The following SYT1 variants were observed in gnomAD, a reference collection of about 807,000 sequenced individuals.
SYT1 encodes the protein synaptotagmin-1.
In SYT1, 8 loss-of-function variants were observed where a neutral mutation model predicts 44.8. That is an observed-to-expected ratio of 0.18 (90% confidence interval 0.10 to 0.32). SYT1 has a LOEUF of 0.32. SYT1 is among the 10% of genes least tolerant of loss of function. SYT1 has a pLI of 1.00. For missense variants in SYT1, 286 were observed against 509.3 expected (o/e 0.56, Z 4.22); for synonymous variants, 154 against 188.8 (o/e 0.82, Z 1.51).
At chr12:79,416,775 A>T (rs1008250698) in intron 9 of SYT1, among the ~76,000 whole-genome samples, 2 of 152,176 alleles carry the variant, frequency 1.3e-5, no homozygotes, top group Admixed American at 1.3e-4. Context: ...TCTGCTTTGA[A>T]AGGAAAATTT....
chr12:78,915,007 C>A (rs1314692547), intron 1 of SYT1, among the ~76,000 whole-genome samples: 1 of 151,998 alleles, frequency 6.6e-6, no homozygotes, highest in East Asian at 1.9e-4. Context: ...GTCTTCTGAG[C>A]TGTGCCTTGA....
At chr12:79,377,713 C>T (rs373528745) in intron 9 of SYT1, among the ~76,000 whole-genome samples, 6 of 152,306 alleles carry the variant, frequency 3.9e-5, no homozygotes, top group African/African-American at 1.4e-4. Context: ...CTTAGCTTCC[C>T]TTTCTCCCTT....
At chr12:79,390,455 A>G (rs1884613158) in intron 9 of SYT1, among the ~76,000 whole-genome samples, 1 of 152,042 alleles carries the variant, frequency 6.6e-6, no homozygotes. Context: ...CAATTCTACA[A>G]TTTTTTTAAA....
intron 1 of SYT1, among the ~76,000 whole-genome samples, chr12:78,888,838 C>T (rs556653421): frequency 6.6e-5 from 10 of 151,830 alleles, no homozygotes; most frequent in South Asian, 4.2e-4. Flanking sequence ...TACTTTGGAG[C>T]GCAAGGTTCT....
rs748899368 is a variant in SYT1 at position 79,444,044 on chromosome 12, CT to C, written c.929-28del. On this transcript the variant is annotated intron_variant, in intron 9 of 10. Transcript: ENST00000261205. Reference sequence around the variant, plus strand: ...ATCTAAAATATGTGTCTCTGATCTCCTAAAGTTTGTTTCCTGTTTTTCATTC... The same window carrying C: ...ATCTAAAATATGTGTCTCTGATCTCCAAAGTTTGTTTCCTGTTTTTCATTC... The C allele has an allele frequency of 2.5e-6, 4 of 1,610,458 alleles. No homozygotes were observed. The Admixed American group carries it at 6.7e-5, about 27-fold the overall frequency.
intron 4 of SYT1, 64 bp from the exon 5 acceptor site, chr12:79,285,723 T>C (rs1879276684): frequency 2.4e-6 from 3 of 1,248,884 alleles, no homozygotes; most frequent in African/African-American, 1.5e-5. Flanking sequence ...TTATAGCCCA[T>C]GAGTTAAAAG....
chr12:79,053,363 G>C lies in SYT1; in HGVS notation c.-18+6001G>C, dbSNP rs148573255. Among the ~76,000 whole-genome samples, 612 of 152,108 alleles carry C rather than the reference G, an allele frequency of 4.0e-3. 10 individuals are homozygous for C. The East Asian group carries it at 0.065, about 16-fold the overall frequency. On this transcript the variant is annotated intron_variant, in intron 3 of 10. Transcript: ENST00000261205. ...CACACACCGAGGACTGTTGTGGGGT[G>C]GGGGGAGCAGGGAGGGATAGCGTTA...
intron 3 of SYT1, among the ~76,000 whole-genome samples, chr12:79,214,736 C>T (rs1275209664): frequency 1.3e-5 from 2 of 152,094 alleles, no homozygotes; most frequent in South Asian, 4.1e-4. Flanking sequence ...GAGCAATATA[C>T]CTTTAATGTA....
intron 3 of SYT1, among the ~76,000 whole-genome samples, chr12:79,134,546 T>A (rs1228586685): frequency 6.6e-6 from 1 of 152,192 alleles, no homozygotes; most frequent in Non-Finnish European, 1.5e-5. Flanking sequence ...AAGACATCGC[T>A]AGTACTAGAA....
chr12:79,236,027 T>A (rs191267043), intron 4 of SYT1, among the ~76,000 whole-genome samples: 1 of 152,294 alleles, frequency 6.6e-6, no homozygotes, highest in Admixed American at 6.5e-5. Flanking sequence ...GTCCAACTAG[T>A]TAGCAAGTCA....
chr12:79,291,829 G>A (rs1447842653), intron 5 of SYT1, 179 bp from the exon 6 acceptor site: 8 of 809,436 alleles, frequency 9.9e-6, no homozygotes, highest in African/African-American at 3.4e-5. Flanking sequence ...AAGAAATTCC[G>A]TGCACAAAAG....
intron 3 of SYT1, among the ~76,000 whole-genome samples, chr12:79,101,838 C>T (rs1878462768): frequency 6.6e-6 from 1 of 151,922 alleles, no homozygotes; most frequent in Non-Finnish European, 1.5e-5. Context: ...CCTGACAGGT[C>T]GAGGCTGCAA....
chr12:79,100,756 G>A (rs1008735346), intron 3 of SYT1, among the ~76,000 whole-genome samples: 1 of 151,944 alleles, frequency 6.6e-6, no homozygotes, highest in Non-Finnish European at 1.5e-5. Context: ...GACCTGTTTC[G>A]TAAATATAGG....
intron 3 of SYT1, among the ~76,000 whole-genome samples, chr12:79,158,733 A>G (rs1592802897): frequency 6.6e-6 from 1 of 152,132 alleles, no homozygotes. Flanking sequence ...ACCCATCTCT[A>G]CAAAAAATAC....
At chr12:79,391,770 T>C (rs1167884835) in intron 9 of SYT1, among the ~76,000 whole-genome samples, 2 of 152,194 alleles carry the variant, frequency 1.3e-5, no homozygotes, top group Non-Finnish European at 2.9e-5. Context: ...ATAAATAGAT[T>C]TATTTTTGTT....
At chr12:79,437,617 A>T (rs1040752045) in intron 9 of SYT1, among the ~76,000 whole-genome samples, 1 of 152,166 alleles carries the variant, frequency 6.6e-6, no homozygotes, top group African/African-American at 2.4e-5. Context: ...GAGAAAAATC[A>T]CTTACTGAAT....
intron 8 of SYT1, among the ~76,000 whole-genome samples, chr12:79,349,007 GAA>G: frequency 4.4e-5 from 1 of 22,954 alleles, no homozygotes; most frequent in African/African-American, 1.4e-4. Flanking sequence ...AGGAAAGAAA[GAA>G]AGAAAGAAAG....
chr12:79,155,723 A>G (rs1303756278), intron 3 of SYT1, among the ~76,000 whole-genome samples: 1 of 152,216 alleles, frequency 6.6e-6, no homozygotes, highest in Non-Finnish European at 1.5e-5. Flanking sequence ...CACTTTTAAA[A>G]TGTGCATTAA....
At chr12:79,322,733 T>C (rs111919553) in intron 8 of SYT1, among the ~76,000 whole-genome samples, 19 of 151,986 alleles carry the variant, frequency 1.3e-4, no homozygotes, top group African/African-American at 4.6e-4. Flanking sequence ...TTTTTTGGAG[T>C]GAGAGAGCGC....
Sources: allele counts gnomAD v4.1 joint callset (sites outside exome capture counted in the v4.1 genomes callset), GRCh38; gene constraint gnomAD v4.1.1; transcripts MANE v1.5; gene names NCBI Gene and HGNC (gene_info 2026-07-23, HGNC 2026-07-21).